Variants in RAB10 observed in about 807,000 individuals in gnomAD.
RAB10 encodes ras-related protein Rab-10.
A neutral mutation model predicts 25.7 loss-of-function variants in RAB10; 5 were observed. The ratio of observed to expected loss-of-function variants is 0.19; its 90% confidence interval spans 0.10 to 0.41. RAB10 has a LOEUF of 0.41. Ranked by LOEUF, RAB10 falls within the 10% of genes least tolerant of loss-of-function variation. The probability of loss-of-function intolerance (pLI) is 1.00; values close to 1 mark genes in which losing one functional copy is unlikely to be tolerated. For synonymous variants in RAB10, 89 were observed against 86.4 expected, an observed-to-expected ratio of 1.03 and a Z score of -0.16; for missense variants, 103 against 245.8, an observed-to-expected ratio of 0.42 and a Z score of 3.89.
chr2:26,052,619 T>G (rs561562787), intron 1 of RAB10, among the ~76,000 whole-genome samples: 72 of 152,228 alleles, frequency 4.7e-4, no homozygotes, highest in South Asian at 3.5e-3. Flanking sequence ...ACTGCCTGCT[T>G]TCTTGAATCT....
intron 1 of RAB10, among the ~76,000 whole-genome samples, chr2:26,079,899 A>G (rs1666831447): frequency 6.6e-6 from 1 of 152,288 alleles, no homozygotes; most frequent in African/African-American, 2.4e-5. Flanking sequence ...GGCTCAAGCC[A>G]TCCACCTGCC....
At chr2:26,063,492 A>G (rs1270408942) in intron 1 of RAB10, among the ~76,000 whole-genome samples, 1 of 152,102 alleles carries the variant, frequency 6.6e-6, no homozygotes, top group Admixed American at 6.5e-5. Context: ...TTGACACTTC[A>G]TCTCTAAATA....
At chr2:26,087,238 C>CT (rs1042933520) in intron 1 of RAB10, among the ~76,000 whole-genome samples, 6 of 152,088 alleles carry the variant, frequency 3.9e-5, no homozygotes, top group Non-Finnish European at 7.4e-5. Flanking sequence ...AATCCTGCAA[C>CT]TTTAAGTAAA....
At chr2:26,130,929 T>C (rs1240525140) in intron 5 of RAB10, among the ~76,000 whole-genome samples, 1 of 152,054 alleles carries the variant, frequency 6.6e-6, no homozygotes, top group Non-Finnish European at 1.5e-5. Context: ...AGTGAAACGC[T>C]CTTGTCTCTG....
At chr2:26,103,624 AC>A (rs1667389154) in intron 2 of RAB10, among the ~76,000 whole-genome samples, 1 of 152,206 alleles carries the variant, frequency 6.6e-6, no homozygotes, top group African/African-American at 2.4e-5. Context: ...CATACAATAT[AC>A]CCATTTAAAA....
At chr2:26,062,082 TG>T (rs1468913069) in intron 1 of RAB10, among the ~76,000 whole-genome samples, 1 of 152,164 alleles carries the variant, frequency 6.6e-6, no homozygotes, top group Non-Finnish European at 1.5e-5. Flanking sequence ...AAATTTTTTT[TG>T]TGTGTGGTAA....
At chr2:26,060,578 G>A (rs1429465187) in intron 1 of RAB10, among the ~76,000 whole-genome samples, 5 of 152,144 alleles carry the variant, frequency 3.3e-5, no homozygotes, top group African/African-American at 4.8e-5. Flanking sequence ...ATGAGCCAAC[G>A]TGCCCGGCCT....
intron 2 of RAB10, among the ~76,000 whole-genome samples, chr2:26,107,281 T>C (rs1667484573): frequency 6.7e-6 from 1 of 150,060 alleles, no homozygotes; most frequent in Non-Finnish European, 1.5e-5. Context: ...GGTGAAGAAT[T>C]CTTAGACATA....
At chr2:26,076,947 GAAAAA>G (rs796845901) in intron 1 of RAB10, among the ~76,000 whole-genome samples, 3 of 98,674 alleles carry the variant, frequency 3.0e-5, no homozygotes, top group African/African-American at 6.8e-5. Flanking sequence ...AAAAAAAAGA[GAAAAA>G]AAAAAAAACA....
chr2:26,083,299 G>C (rs376029272), intron 1 of RAB10, among the ~76,000 whole-genome samples: 1 of 152,116 alleles, frequency 6.6e-6, no homozygotes, highest in Admixed American at 6.5e-5. Context: ...AGAGCAACTA[G>C]AATTAATAAG....
chr2:26,045,620 T>C (rs1665984929), intron 1 of RAB10, among the ~76,000 whole-genome samples: 1 of 152,228 alleles, frequency 6.6e-6, no homozygotes, highest in Non-Finnish European at 1.5e-5. Context: ...TGAGTGTTGA[T>C]TTACAAGTAA....
intron 1 of RAB10, chr2:26,098,438 C>T: frequency 2.1e-6 from 1 of 465,740 alleles, no homozygotes; most frequent in Non-Finnish European, 3.8e-6. Flanking sequence ...CATGCCCAGC[C>T]CAAAACTTGG....
intron 3 of RAB10, among the ~76,000 whole-genome samples, chr2:26,124,299 A>C (rs1288548507): frequency 2.2e-5 from 3 of 136,352 alleles, no homozygotes; most frequent in Admixed American, 7.5e-5. Context: ...TAACTTTCCT[A>C]GTTTTTTTTT....
intron 3 of RAB10, among the ~76,000 whole-genome samples, chr2:26,115,613 A>G (rs1667667173): frequency 6.6e-6 from 1 of 152,202 alleles, no homozygotes; most frequent in South Asian, 2.1e-4. Context: ...TGCTATGAGT[A>G]CAGGTTTATA....
At chr2:26,073,218 G>T (rs539320954) in intron 1 of RAB10, among the ~76,000 whole-genome samples, 7 of 152,282 alleles carry the variant, frequency 4.6e-5, no homozygotes, top group African/African-American at 1.4e-4. Flanking sequence ...TTTAATGCAG[G>T]AATTGTTTCA....
chr2:26,094,617 G>A (rs1302654973), intron 1 of RAB10, among the ~76,000 whole-genome samples: 1 of 151,728 alleles, frequency 6.6e-6, no homozygotes, highest in African/African-American at 2.4e-5. Flanking sequence ...GGAGTGCAGT[G>A]GTGCGATCTT....
At chr2:26,084,199 G>A (rs536558725) in intron 1 of RAB10, among the ~76,000 whole-genome samples, 2 of 152,258 alleles carry the variant, frequency 1.3e-5, no homozygotes, top group East Asian at 1.9e-4. Context: ...CTCTCAGTGC[G>A]TCATTCCTTG....
rs192776444 is a variant in RAB10, at chr2:26,042,167, A to G, written c.127+7432A>G. Among the ~76,000 whole-genome samples, 18 of 152,198 alleles carry G rather than the reference A, an allele frequency of 1.2e-4. No homozygotes were observed. The East Asian group carries it at 2.7e-3, about 23-fold the overall frequency. ...TCCTTTCTCCACCACAGGCTTACTC[A>G]TTTTTTAACAGGGAATATTTTTCAC... On this transcript the variant is annotated intron_variant, in intron 1 of 5. Coordinates refer to ENST00000264710, the MANE Select transcript of RAB10 (RefSeq NM_016131.5).
intron 1 of RAB10, among the ~76,000 whole-genome samples, chr2:26,089,782 T>C (rs897458430): frequency 6.6e-6 from 1 of 152,098 alleles, no homozygotes; most frequent in African/African-American, 2.4e-5. Context: ...CCACCAGATA[T>C]TCCTGGCACC....
Sources: gnomAD v4.1 joint callset for allele counts (sites outside exome capture counted in the v4.1 genomes callset) on GRCh38, gnomAD v4.1.1 for gene constraint, MANE v1.5 for transcripts, NCBI Gene and HGNC (gene_info 2026-07-23, HGNC 2026-07-21) for gene names.